CHD1L: variants seen among roughly 807,000 people sequenced by gnomAD.
CHD1L encodes ATP-dependent chromatin remodeler CHD1L.
CHD1L carries 118 observed loss-of-function variants against 115.9 expected under a neutral mutation model. The ratio of observed to expected loss-of-function variants is 1.02; its 90% CI spans 0.88 to 1.19. The LOEUF (loss-of-function observed/expected upper bound fraction) is 1.19. Among genes scored for constraint, CHD1L ranks in the 50% most tolerant of loss-of-function variants. The pLI is 0.00. For synonymous variants in CHD1L, 411 were observed against 387.1 expected, an observed-to-expected ratio of 1.06 and a Z score of -0.72; for missense variants, 1,179 against 1,065.3, an observed-to-expected ratio of 1.11 and a Z score of -1.49.
intron 20 of CHD1L, among the ~76,000 whole-genome samples, chr1:147,292,269 G>A (rs1553971248): frequency 1.3e-5 from 2 of 152,212 alleles, no homozygotes; most frequent in Non-Finnish European, 2.9e-5. Context: ...TTCTATGAAA[G>A]ATTGTGTTTT....
At chr1:147,191,830 G>T in the CHD1L span, among the ~76,000 whole-genome samples, 1 of 152,158 alleles carries the variant, frequency 6.6e-6, no homozygotes, top group African/African-American at 2.4e-5. Flanking sequence ...TAGACATGCG[G>T]CATTATTTCT....
chr1:147,194,666 T>C, the CHD1L span, among the ~76,000 whole-genome samples: 2 of 152,170 alleles, frequency 1.3e-5, no homozygotes, highest in African/African-American at 4.8e-5. Flanking sequence ...TTTCCATGTT[T>C]AGTGCTTCCT....
At chr1:147,281,593 T>A (rs1388461757) in intron 15 of CHD1L, among the ~76,000 whole-genome samples, 1 of 152,326 alleles carries the variant, frequency 6.6e-6, no homozygotes, top group Non-Finnish European at 1.5e-5. Flanking sequence ...TATAAAAATA[T>A]CTTGTTTGTA....
rs782506295 is a variant in CHD1L, at chr1:147,242,729, G to C, written c.26G>C (p.Arg9Pro). 1 of 1,258,674 alleles carries C rather than the reference G, an allele frequency of 7.9e-7. No individual in the cohort carries two copies. Among genetic ancestry groups the C allele is most frequent in the Non-Finnish European group, 1.0e-6 (1 of 996,754 alleles). The allele number at this position is 1,258,674 out of a possible 1,614,324, so 78.0% of individuals were successfully genotyped here. The stretch of plus-strand genomic sequence containing the variant: ...ATGGAGCGCGCGGGCGCTACTAGCC[G>C]CGGGGGCCAAGCCCCTGGCTTCTTA... MERAGATS[R>P]GGQAPGFLLR... is the part of the protein sequence containing the mutation. Residue 9 changes from arginine to proline, a missense_variant, in exon 1 of 23, where the codon CGC (arginine) becomes CCC (proline). Transcript: ENST00000369258.
intron 12 of CHD1L, among the ~76,000 whole-genome samples, chr1:147,273,216 G>C (rs1335605330): frequency 6.6e-6 from 1 of 152,048 alleles, no homozygotes; most frequent in Non-Finnish European, 1.5e-5. Flanking sequence ...GCTGACCTTA[G>C]TTTTCAACTC....
chr1:147,216,816 G>T, the CHD1L span, among the ~76,000 whole-genome samples: 1 of 152,148 alleles, frequency 6.6e-6, no homozygotes, highest in Non-Finnish European at 1.5e-5. Context: ...ATCAGAACCT[G>T]CATCTTAGCA....
intron 12 of CHD1L, among the ~76,000 whole-genome samples, chr1:147,273,483 A>G (rs1278572790): frequency 4.6e-5 from 7 of 152,238 alleles, no homozygotes; most frequent in Non-Finnish European, 8.8e-5. Flanking sequence ...AATTAATAAC[A>G]TAAGATTCAT....
upstream of CHD1L, among the ~76,000 whole-genome samples, chr1:147,242,104 C>T (rs1664963401): frequency 6.6e-6 from 1 of 152,170 alleles, no homozygotes; most frequent in Non-Finnish European, 1.5e-5. Flanking sequence ...GAACACATTG[C>T]CTCAATCTGC....
chr1:147,179,744 G>A, the CHD1L span: 61 of 642,384 alleles, frequency 9.5e-5, no homozygotes, highest in African/African-American at 8.3e-4. Flanking sequence ...AGGACAGAAT[G>A]GATATAATCT....
the CHD1L span, among the ~76,000 whole-genome samples, chr1:147,207,450 C>T: frequency 3.3e-5 from 5 of 152,106 alleles, no homozygotes; most frequent in South Asian, 1.0e-3. Context: ...TGTTTTCCCT[C>T]CCTGGTTCTC....
At chr1:147,193,486 T>G in the CHD1L span, among the ~76,000 whole-genome samples, 79 of 152,208 alleles carry the variant, frequency 5.2e-4, no homozygotes, top group Non-Finnish European at 9.7e-4. Context: ...TTTTGAAGGG[T>G]TTTTTGTGAC....
intron 5 of CHD1L, among the ~76,000 whole-genome samples, chr1:147,258,487 T>C (rs1553941788): frequency 1.3e-5 from 2 of 152,240 alleles, no homozygotes. Flanking sequence ...CCTTATCTCA[T>C]GACCACTGTG....
intron 6 of CHD1L, among the ~76,000 whole-genome samples, chr1:147,263,161 C>T (rs1417655019): frequency 6.6e-6 from 1 of 151,934 alleles, no homozygotes; most frequent in Non-Finnish European, 1.5e-5. Context: ...TAATTACAGG[C>T]TCACACCTGT....
the CHD1L span, among the ~76,000 whole-genome samples, chr1:147,195,804 AC>A: frequency 6.6e-6 from 1 of 152,292 alleles, no homozygotes; most frequent in South Asian, 2.1e-4. Context: ...TTTACCTGAT[AC>A]AAGCATTCTT....
the CHD1L span, among the ~76,000 whole-genome samples, chr1:147,207,023 A>G: frequency 6.6e-6 from 1 of 151,984 alleles, no homozygotes; most frequent in Non-Finnish European, 1.5e-5. Flanking sequence ...TACTAGATTT[A>G]AAAAGATTTT....
intron 6 of CHD1L, among the ~76,000 whole-genome samples, chr1:147,264,176 C>T (rs1351207042): frequency 2.0e-5 from 3 of 152,182 alleles, no homozygotes; most frequent in African/African-American, 7.2e-5. Context: ...AGTGTTACTA[C>T]ATCCTTATAT....
chr1:147,264,216 C>T (rs1263520158), intron 6 of CHD1L, among the ~76,000 whole-genome samples: 1 of 152,148 alleles, frequency 6.6e-6, no homozygotes, highest in African/African-American at 2.4e-5. Flanking sequence ...TTATTGTCCC[C>T]TTCTTATAGT....
rs782668929 is a variant in CHD1L at position 147,285,380 on chromosome 1, A to C, written c.1911A>C (p.Pro637=). 1.2e-6 allele frequency: 2 copies of C among 1,614,060 alleles called. No individual in the cohort carries two copies. Among genetic ancestry groups the C allele is most frequent in the Non-Finnish European group, 1.7e-6 (2 of 1,179,936 alleles). ...CCAAAAGGAAGCGGGTTCTGAGTCC[A>C]GAAGAGCTGGAGGACAGACAGAAGA... ...GSTKRKRVLS[P]EELEDRQKKR... Residue 637 remains proline (P), a synonymous_variant, in exon 17 of 23, where the codon CCA becomes CCC. Transcript: ENST00000369258.
At chr1:147,185,824 C>G in the CHD1L span, among the ~76,000 whole-genome samples, 1 of 152,182 alleles carries the variant, frequency 6.6e-6, no homozygotes, top group South Asian at 2.1e-4. Flanking sequence ...GATGAGAAAA[C>G]AGAATCATCA....
Sources: gnomAD v4.1 joint callset for allele counts (sites outside exome capture counted in the v4.1 genomes callset) on GRCh38, gnomAD v4.1.1 for gene constraint, MANE v1.5 for transcripts, NCBI Gene and HGNC (gene_info 2026-07-23, HGNC 2026-07-21) for gene names.